The following DARS1 variants were observed in gnomAD, a reference collection of about 807,000 sequenced individuals.
The protein encoded by DARS1 is aspartyl-tRNA synthetase 1.
Under a neutral mutation model 68.8 loss-of-function variants are expected in DARS1, and 51 were observed. The observed-to-expected ratio is 0.74, with a 90% CI of 0.59 to 0.94. DARS1 has a LOEUF of 0.94. Ranked by LOEUF, DARS1 falls within the 40% of genes least tolerant of loss-of-function variation. The pLI, the probability that DARS1 is intolerant of heterozygous loss-of-function variation, is 0.00. For synonymous variants in DARS1, 203 were observed against 190.4 expected (o/e 1.07, Z -0.55); for missense variants, 607 against 597.3 (o/e 1.02, Z -0.17).
intron 2 of DARS1, among the ~76,000 whole-genome samples, chr2:135,982,581 G>A (rs1482570695): frequency 6.6e-6 from 1 of 150,844 alleles, no homozygotes. Flanking sequence ...GGGCGACAGA[G>A]CGAGCCTCTG....
chr2:135,921,131 C>G (rs1477346925), intron 9 of DARS1, among the ~76,000 whole-genome samples: 1 of 149,932 alleles, frequency 6.7e-6, no homozygotes, highest in Non-Finnish European at 1.5e-5. Context: ...CCAGTCCAGC[C>G]TTAATATCCT....
chr2:135,957,009 C>T (rs989504020), intron 4 of DARS1, among the ~76,000 whole-genome samples: 7 of 152,048 alleles, frequency 4.6e-5, no homozygotes, highest in Non-Finnish European at 8.8e-5. Context: ...AGATGATACA[C>T]CCACCTTGGC....
intron 5 of DARS1, among the ~76,000 whole-genome samples, chr2:135,935,365 G>C (rs917926828): frequency 2.0e-5 from 3 of 151,938 alleles, no homozygotes; most frequent in African/African-American, 7.2e-5. Context: ...GGGAGGCCGA[G>C]GCAGGCGGAT....
At chr2:135,978,745 A>C (rs1682555763) in intron 3 of DARS1, among the ~76,000 whole-genome samples, 2 of 152,222 alleles carry the variant, frequency 1.3e-5, no homozygotes, top group South Asian at 4.1e-4. Context: ...GCCGTTAGCC[A>C]CATGTGGTCA....
chr2:135,950,514 T>A (rs1178997400), intron 4 of DARS1, among the ~76,000 whole-genome samples: 1 of 152,218 alleles, frequency 6.6e-6, no homozygotes, highest in African/African-American at 2.4e-5. Flanking sequence ...TAAGTAAAGA[T>A]TTTTGTTTTA....
At chr2:135,925,341 A>C (rs1183133259) in intron 7 of DARS1, among the ~76,000 whole-genome samples, 1 of 152,212 alleles carries the variant, frequency 6.6e-6, no homozygotes, top group Non-Finnish European at 1.5e-5. Flanking sequence ...AAAACATGTG[A>C]CCTCAAACCA....
At chr2:135,921,730 G>A (rs1422134891) in intron 9 of DARS1, among the ~76,000 whole-genome samples, 3 of 152,158 alleles carry the variant, frequency 2.0e-5, no homozygotes. Context: ...TGTGAGAACT[G>A]CAGAATCTCA....
In DARS1 at chr2:135,911,399, G is replaced by A; in HGVS notation, c.1325C>T (p.Ala442Val). 2.1e-6 allele frequency: 2 copies of A among 972,712 alleles called. No homozygotes were observed. Among genetic ancestry groups the A allele is most frequent in the Non-Finnish European group, 3.4e-6 (2 of 594,208 alleles). The allele number at this position is 972,712 out of a possible 1,614,324, so 60.3% of individuals were successfully genotyped here. A position where few individuals can be genotyped will look rare whatever the true frequency, so the allele number is the denominator to read the frequency against. Residue 442 changes from alanine (A) to valine (V), a missense_variant, in exon 14 of 16, where the codon GCT (alanine) becomes GTT (valine). By Grantham distance (64) the Ala-to-Val change is moderately conservative. Coordinates refer to ENST00000264161, the MANE Select transcript of DARS1 (RefSeq NM_001349.4). ...IHDPQLLTER[A>V]LHHGIDLEKI... ...TTGTTTACCAATTCCATGATGTAAA[G>A]CTCTCTCTGTTAGCAGTTGAGGATC...
intron 9 of DARS1, among the ~76,000 whole-genome samples, chr2:135,920,851 G>C (rs1230714814): frequency 6.6e-6 from 1 of 151,870 alleles, no homozygotes; most frequent in East Asian, 1.9e-4. Flanking sequence ...AGAACCCTGG[G>C]GGAATGCAAG....
intron 3 of DARS1, among the ~76,000 whole-genome samples, chr2:135,978,568 T>C (rs2104848654): frequency 6.6e-6 from 1 of 152,364 alleles, no homozygotes; most frequent in Non-Finnish European, 1.5e-5. Flanking sequence ...ATTGATATTT[T>C]TAGACAATTC....
chr2:135,958,855 T>G (rs2104831676), intron 4 of DARS1, among the ~76,000 whole-genome samples: 1 of 152,300 alleles, frequency 6.6e-6, no homozygotes, highest in African/African-American at 2.4e-5. Context: ...TCCATTCACT[T>G]ACATATAACC....
intron 3 of DARS1, among the ~76,000 whole-genome samples, chr2:135,968,900 G>A (rs1049148523): frequency 2.6e-5 from 4 of 152,038 alleles, no homozygotes; most frequent in African/African-American, 9.7e-5. Context: ...GGATTCAAGT[G>A]ATCCACCCTG....
intron 3 of DARS1, among the ~76,000 whole-genome samples, chr2:135,971,264 C>G (rs769958815): frequency 6.6e-6 from 1 of 152,142 alleles, no homozygotes; most frequent in Non-Finnish European, 1.5e-5. Flanking sequence ...GGATTTATCT[C>G]AGGGATGCAA....
chr2:135,910,881 C>T (rs374188335), intron 15 of DARS1: 23 of 358,824 alleles, frequency 6.4e-5, no homozygotes, highest in South Asian at 2.6e-4. Flanking sequence ...TGTGCTAATG[C>T]GAATGAACTC....
chr2:135,956,342 A>G (rs1436925055), intron 4 of DARS1, among the ~76,000 whole-genome samples: 1 of 152,198 alleles, frequency 6.6e-6, no homozygotes, highest in Non-Finnish European at 1.5e-5. Context: ...AAAATTACTA[A>G]GAGGAGCCAT....
chr2:135,955,073 T>C (rs1206774571), intron 4 of DARS1, among the ~76,000 whole-genome samples: 1 of 151,630 alleles, frequency 6.6e-6, no homozygotes, highest in Non-Finnish European at 1.5e-5. Context: ...GACTGGGGGA[T>C]GACCAAATTT....
intron 15 of DARS1, among the ~76,000 whole-genome samples, chr2:135,909,786 T>C (rs1348167243): frequency 1.3e-5 from 2 of 152,200 alleles, no homozygotes; most frequent in African/African-American, 2.4e-5. Flanking sequence ...TGTTATTTCA[T>C]TGTATAGATA....
At chr2:135,984,387 A>G (rs1395262072) in intron 1 of DARS1, among the ~76,000 whole-genome samples, 1 of 152,244 alleles carries the variant, frequency 6.6e-6, no homozygotes, top group Admixed American at 6.5e-5. Context: ...CTGTCACTTT[A>G]CAGCTACCTG....
At position 135,911,403 on chromosome 2, in the gene DARS1, T is replaced by C; in HGVS notation, c.1321A>G (p.Arg441Gly). The C allele has an allele frequency of 1.0e-6, 1 of 983,280 alleles. No individual in the cohort carries two copies. The highest frequency in any genetic ancestry group is 1.7e-6 in the Non-Finnish European group (1 of 603,636). 60.9% of individuals were successfully genotyped at this position (983,280 alleles called of 1,614,324 possible). Residue 441 changes from arginine (R) to glycine (G), a missense_variant, in exon 14 of 16, where the codon AGA (arginine) becomes GGA (glycine). Coordinates refer to ENST00000264161, the MANE Select transcript of DARS1 (RefSeq NM_001349.4). ...RIHDPQLLTE[R>G]ALHHGIDLEK... ...TTACCAATTCCATGATGTAAAGCTCTCTCTGTTAGCAGTTGAGGATCATGT... is the reference window on the plus strand; with the variant it reads ...TTACCAATTCCATGATGTAAAGCTCCCTCTGTTAGCAGTTGAGGATCATGT...
Sources: allele counts gnomAD v4.1 joint callset (sites outside exome capture counted in the v4.1 genomes callset), GRCh38; gene constraint gnomAD v4.1.1; transcripts MANE v1.5; gene names NCBI Gene and HGNC (gene_info 2026-07-23, HGNC 2026-07-21).